The following SYNDIG1 variants were observed in gnomAD, a reference collection of about 807,000 sequenced individuals.
The protein encoded by SYNDIG1 is synapse differentiation-inducing gene protein 1.
A neutral mutation model predicts 19.4 loss-of-function variants in SYNDIG1; 9 were observed. That is an observed-to-expected ratio of 0.46 (90% CI 0.28 to 0.81). The LOEUF (loss-of-function observed/expected upper bound fraction) is 0.81. Ranked by LOEUF, SYNDIG1 falls within the 30% of genes least tolerant of loss-of-function variation. The pLI is 0.12. For synonymous variants in SYNDIG1, 141 were observed against 145.9 expected (o/e 0.97, Z 0.24); for missense variants, 311 against 343.3 (o/e 0.91, Z 0.74).
intron 3 of SYNDIG1, among the ~76,000 whole-genome samples, chr20:24,617,997 G>A (rs1159459073): frequency 1.5e-5 from 2 of 137,592 alleles, no homozygotes; most frequent in Non-Finnish European, 3.2e-5. Context: ...AGCGGGGAGA[G>A]CCTGGGGAAG....
intron 1 of SYNDIG1, among the ~76,000 whole-genome samples, chr20:24,505,649 C>T (rs937733323): frequency 1.3e-5 from 2 of 152,242 alleles, no homozygotes; most frequent in African/African-American, 2.4e-5. Context: ...GTTTACTCCA[C>T]TCGCCCAGGT....
chr20:24,594,733 A>C (rs1400231480), intron 3 of SYNDIG1, among the ~76,000 whole-genome samples: 2 of 152,216 alleles, frequency 1.3e-5, no homozygotes, highest in African/African-American at 2.4e-5. Context: ...CATTGTAGAG[A>C]TCTTTCACCT....
chr20:24,568,629 C>T (rs981054170), intron 2 of SYNDIG1, among the ~76,000 whole-genome samples: 3 of 152,198 alleles, frequency 2.0e-5, no homozygotes, highest in Non-Finnish European at 2.9e-5. Context: ...CGCACATTGT[C>T]CTGATCACCT....
rs149754312 is a variant in SYNDIG1, at chr20:24,543,457, G to A, written c.360G>A (p.Ser120=). 28 of 1,613,430 alleles carry A rather than the reference G, an allele frequency of 1.7e-5. No individual in the cohort carries two copies. The highest frequency in any genetic ancestry group is 6.7e-5 in the East Asian group (3 of 44,868). Residue 120 remains serine (S), a synonymous_variant, in exon 2 of 4, where the codon TCG becomes TCA. Transcript: ENST00000376862. ...CCETTFIEDR[S]PTKDSLEYPD... Reference sequence around the variant, plus strand: ...AGACCACCTTCATCGAGGACCGGTCGCCCACCAAAGACAGCCTCGAGTACC... The same window carrying A: ...AGACCACCTTCATCGAGGACCGGTCACCCACCAAAGACAGCCTCGAGTACC...
At chr20:24,618,944 T>A (rs1054812416) in intron 3 of SYNDIG1, among the ~76,000 whole-genome samples, 3 of 152,136 alleles carry the variant, frequency 2.0e-5, no homozygotes, top group African/African-American at 7.2e-5. Flanking sequence ...CAGCAAAAAA[T>A]ATCATCAAAT....
At chr20:24,570,903 G>T (rs978090560) in intron 2 of SYNDIG1, among the ~76,000 whole-genome samples, 12 of 152,076 alleles carry the variant, frequency 7.9e-5, no homozygotes, top group Non-Finnish European at 1.5e-4. Context: ...TGGATGAATG[G>T]ATTAAACACA....
At chr20:24,606,289 T>G (rs1036631131) in intron 3 of SYNDIG1, among the ~76,000 whole-genome samples, 1 of 152,210 alleles carries the variant, frequency 6.6e-6, no homozygotes, top group Admixed American at 6.6e-5. Context: ...GAGGCTGTGG[T>G]TAGTGGGATG....
intron 3 of SYNDIG1, among the ~76,000 whole-genome samples, chr20:24,610,451 C>CG (rs772260266): frequency 2.2e-4 from 33 of 152,208 alleles, no homozygotes; most frequent in East Asian, 9.7e-4. Context: ...GCTCTGCACA[C>CG]GGGGGGGCGA....
At chr20:24,548,373 C>T (rs80254187) in intron 2 of SYNDIG1, among the ~76,000 whole-genome samples, 2,244 of 152,308 alleles carry the variant, frequency 0.015, 33 homozygotes, top group South Asian at 0.044. Context: ...GTGAACTCTC[C>T]GCCAAGCTTT....
At chr20:24,603,416 C>G (rs928392331) in intron 3 of SYNDIG1, among the ~76,000 whole-genome samples, 1 of 151,972 alleles carries the variant, frequency 6.6e-6, no homozygotes, top group African/African-American at 2.4e-5. Context: ...CTGGAGGTGC[C>G]CATAGGTGAG....
chr20:24,495,321 C>T (rs890941125), intron 1 of SYNDIG1: 5 of 152,324 alleles, frequency 3.3e-5, no homozygotes, highest in Non-Finnish European at 5.9e-5. Context: ...AGGCCAGCCA[C>T]TTGGCGGCTT....
At chr20:24,603,228 C>T (rs2058704631) in intron 3 of SYNDIG1, among the ~76,000 whole-genome samples, 1 of 151,986 alleles carries the variant, frequency 6.6e-6, no homozygotes, top group South Asian at 2.1e-4. Flanking sequence ...GCAGCATTAC[C>T]AAAAAGTGTC....
At chr20:24,499,628 C>T (rs754275075) in intron 1 of SYNDIG1, among the ~76,000 whole-genome samples, 67 of 152,298 alleles carry the variant, frequency 4.4e-4, no homozygotes, top group Admixed American at 2.5e-3. Flanking sequence ...GTGACATGTA[C>T]GGACTGAGTC....
At position 24,643,984 on chromosome 20, in the gene SYNDIG1, G is replaced by T. The variant is rs113311605; in HGVS notation, c.619-21362G>T. Reference sequence around the variant, plus strand: ...ACTGAGCCTTAGCAATAATTAGCTTGCAGCTTCATATATTTTGAAATGCAA... The same window carrying T: ...ACTGAGCCTTAGCAATAATTAGCTTTCAGCTTCATATATTTTGAAATGCAA... On this transcript the variant is annotated intron_variant, in intron 3 of 3. Coordinates refer to ENST00000376862, the MANE Select transcript of SYNDIG1 (RefSeq NM_024893.3). Among the ~76,000 whole-genome samples the T allele has an allele frequency of 3.3e-5, 5 of 152,320 alleles. 1 individual carries two copies. Among genetic ancestry groups the T allele is most frequent in the African/African-American group, 9.6e-5 (4 of 41,576 alleles).
intron 3 of SYNDIG1, among the ~76,000 whole-genome samples, chr20:24,645,948 T>G (rs1310936146): frequency 2.0e-5 from 3 of 152,184 alleles, no homozygotes; most frequent in Non-Finnish European, 4.4e-5. Flanking sequence ...CTCGCCTGGA[T>G]AGAAGCCAAG....
chr20:24,577,359 C>T (rs117589975), intron 2 of SYNDIG1, among the ~76,000 whole-genome samples: 3 of 152,346 alleles, frequency 2.0e-5, no homozygotes, highest in Non-Finnish European at 2.9e-5. Flanking sequence ...AGGCAGCCCA[C>T]GGAAAACCCC....
intron 3 of SYNDIG1, among the ~76,000 whole-genome samples, chr20:24,629,746 T>C (rs2147284930): frequency 6.6e-6 from 1 of 152,374 alleles, no homozygotes; most frequent in East Asian, 1.9e-4. Flanking sequence ...CATGGCTTAC[T>C]GCCAGCAAGG....
At chr20:24,544,457 A>C (rs1385174335) in intron 2 of SYNDIG1, among the ~76,000 whole-genome samples, 1 of 152,200 alleles carries the variant, frequency 6.6e-6, no homozygotes, top group East Asian at 1.9e-4. Context: ...GTGTGTGGCC[A>C]AAAGGGGAAG....
At chr20:24,471,323 T>C (rs2146173322) in intron 1 of SYNDIG1, among the ~76,000 whole-genome samples, 1 of 152,162 alleles carries the variant, frequency 6.6e-6, no homozygotes, top group African/African-American at 2.4e-5. Flanking sequence ...CTGATGTCCG[T>C]TCTGGCGCGG....
Sources: allele counts gnomAD v4.1 joint callset (sites outside exome capture counted in the v4.1 genomes callset), GRCh38; gene constraint gnomAD v4.1.1; transcripts MANE v1.5; gene names NCBI Gene and HGNC (gene_info 2026-07-23, HGNC 2026-07-21).